JAK1: variants seen among roughly 807,000 people sequenced by gnomAD.
JAK1 encodes the protein Janus kinase 1.
JAK1 carries 16 observed loss-of-function variants against 136.6 expected under a neutral mutation model. The ratio of observed to expected loss-of-function variants is 0.12; its 90% CI spans 0.08 to 0.18. The LOEUF is 0.18. JAK1 is among the 10% of genes least tolerant of loss of function. The pLI is 1.00. For synonymous variants in JAK1, 492 were observed against 519.5 expected, an observed-to-expected ratio of 0.95 and a Z score of 0.72; for missense variants, 859 against 1,450.1, an observed-to-expected ratio of 0.59 and a Z score of 6.62.
intron 2 of JAK1, among the ~76,000 whole-genome samples, chr1:64,995,635 AT>A (rs1260424214): frequency 6.6e-6 from 1 of 152,232 alleles, no homozygotes; most frequent in Non-Finnish European, 1.5e-5. Flanking sequence ...TTTTTGTTAT[AT>A]AAAAAGTGAT....
chr1:65,066,637 C>T (rs1473853737), intron 1 of JAK1: 1 of 152,528 alleles, frequency 6.6e-6, no homozygotes, highest in African/African-American at 2.4e-5. Context: ...CCCCAGACTC[C>T]AGCGTCCCGG....
At chr1:65,038,968 G>GTGTGTT (rs1359726105) in intron 2 of JAK1, among the ~76,000 whole-genome samples, 5 of 151,572 alleles carry the variant, frequency 3.3e-5, no homozygotes, top group Non-Finnish European at 7.4e-5. Flanking sequence ...GTGTGTTTGT[G>GTGTGTT]TGTGTTTGTG....
chr1:64,950,213 T>A (rs1646058683), intron 1 of JAK1, among the ~76,000 whole-genome samples: 1 of 151,970 alleles, frequency 6.6e-6, no homozygotes, highest in African/African-American at 2.4e-5. Context: ...ATCGAGACCA[T>A]CCTGGCCAAC....
intron 2 of JAK1, among the ~76,000 whole-genome samples, chr1:65,018,493 C>CACACACACACACAA (rs1553181617): frequency 1.6e-3 from 227 of 146,306 alleles, no homozygotes; most frequent in African/African-American, 5.6e-3. Flanking sequence ...AGAGAACACA[C>CACACACACACACAA]ACACACACAC....
intron 1 of JAK1, among the ~76,000 whole-genome samples, chr1:64,945,119 T>C (rs1476842382): frequency 6.6e-6 from 1 of 151,868 alleles, no homozygotes; most frequent in East Asian, 1.9e-4. Flanking sequence ...ACTCCAACAG[T>C]CCACTAGCCC....
At chr1:64,896,535 A>C (rs1645015795) in intron 1 of JAK1, among the ~76,000 whole-genome samples, 1 of 152,266 alleles carries the variant, frequency 6.6e-6, no homozygotes, top group Non-Finnish European at 1.5e-5. Context: ...TGGGCTAAAT[A>C]TAACTAGGAG....
At chr1:65,054,582 TA>T (rs1430903713) in intron 1 of JAK1, among the ~76,000 whole-genome samples, 1 of 152,202 alleles carries the variant, frequency 6.6e-6, no homozygotes, top group African/African-American at 2.4e-5. Flanking sequence ...CTTTTCTGTT[TA>T]AAAAAACTCC....
intron 1 of JAK1, among the ~76,000 whole-genome samples, chr1:64,913,637 A>G (rs190336230): frequency 0.021 from 2,482 of 119,970 alleles, 97 homozygotes; most frequent in African/African-American, 0.078. Context: ...GGGAGGGAGG[A>G]AGGGAGGAAG....
chr1:64,934,679 G>A (rs879534496), intron 1 of JAK1, among the ~76,000 whole-genome samples: 3 of 152,164 alleles, frequency 2.0e-5, no homozygotes, highest in Non-Finnish European at 4.4e-5. Context: ...CAAAGTCCAG[G>A]TCAGATGCCT....
At chr1:64,992,749 C>G (rs1646669037) in intron 2 of JAK1, 1 of 152,026 alleles carries the variant, frequency 6.6e-6, no homozygotes, top group South Asian at 2.1e-4. Flanking sequence ...ATTGGCCCAC[C>G]ATGGTGGCAG....
intron 1 of JAK1, among the ~76,000 whole-genome samples, chr1:64,936,603 A>T (rs1412695783): frequency 1.3e-5 from 2 of 152,208 alleles, no homozygotes; most frequent in Non-Finnish European, 2.9e-5. Flanking sequence ...CAAACACAAG[A>T]GCTGAGAAAC....
intron 2 of JAK1, among the ~76,000 whole-genome samples, chr1:65,027,476 GTTCCGC>G (rs1311072584): frequency 6.6e-6 from 1 of 152,106 alleles, no homozygotes; most frequent in African/African-American, 2.4e-5. Context: ...ATGTATTTTT[GTTCCGC>G]TTCCTGTCAA....
At chr1:64,928,772 ACTCTGC>A in intron 1 of JAK1, among the ~76,000 whole-genome samples, 1 of 127,946 alleles carries the variant, frequency 7.8e-6, no homozygotes, top group Non-Finnish European at 1.5e-5. Context: ...GTGCTATAAA[ACTCTGC>A]AAAAAAAAAA....
rs2100994487 is a variant in JAK1, at chr1:64,844,786, G to C, written c.2219C>G (p.Pro740Arg). 6.2e-7 allele frequency: 1 copy of C among 1,614,244 alleles called. No homozygotes were observed. The highest frequency in any genetic ancestry group is 8.5e-7 in the Non-Finnish European group (1 of 1,180,050). The change falls in exon 16 of 25, where the codon CCC (proline) becomes CGC (arginine). Residue 740 changes from proline (P) to arginine (R), a missense_variant. Transcript: ENST00000342505. The surrounding 1 kb of genome is among the most constrained non-coding windows in gnomAD (Gnocchi z 5.7). ...ECGPFIKLSDPGIPITVLSRQ... is the reference protein window; with the variant it reads ...ECGPFIKLSDRGIPITVLSRQ... ...AGACAGCACCGTAATGGGGATGCCG[G>C]GGTCACTGAGCTTGATGAATGGGCC...
At chr1:65,040,801 GA>G (rs201174180) in intron 2 of JAK1, among the ~76,000 whole-genome samples, 215 of 151,648 alleles carry the variant, frequency 1.4e-3, no homozygotes, top group Non-Finnish European at 2.7e-3. Flanking sequence ...GGGATACCAC[GA>G]AAAAAAACAT....
intron 2 of JAK1, among the ~76,000 whole-genome samples, chr1:65,044,116 C>T (rs1168950411): frequency 6.6e-6 from 1 of 152,148 alleles, no homozygotes; most frequent in Non-Finnish European, 1.5e-5. Context: ...CTCGGCCTCC[C>T]AAAATGCTGG....
intron 1 of JAK1, among the ~76,000 whole-genome samples, chr1:65,056,923 T>TA (rs57037539): frequency 0.53 from 62,826 of 118,494 alleles, 17,334 homozygotes; most frequent in Middle Eastern, 0.62. Context: ...ACTCTTTCTT[T>TA]AAAAAAAAAA....
intron 9 of JAK1, 111 bp downstream of exon 9, chr1:64,859,994 G>T: frequency 1.1e-6 from 1 of 907,012 alleles, no homozygotes; most frequent in Non-Finnish European, 1.6e-6. Flanking sequence ...CAGCCAACAA[G>T]TACCAGGCAG....
At chr1:65,056,459 G>A (rs573300664) in intron 1 of JAK1, among the ~76,000 whole-genome samples, 1 of 152,192 alleles carries the variant, frequency 6.6e-6, no homozygotes, top group Admixed American at 6.5e-5. Context: ...CAATGTCTGA[G>A]GACTGGCACA....
Sources: gnomAD v4.1 joint callset for allele counts (sites outside exome capture counted in the v4.1 genomes callset) on GRCh38, gnomAD v4.1.1 for gene constraint, Gnocchi (gnomAD v3.1) non-coding constraint, MANE v1.5 for transcripts, NCBI Gene and HGNC (gene_info 2026-07-23, HGNC 2026-07-21) for gene names.